NFIB: variants seen among roughly 807,000 people sequenced by gnomAD.
NFIB encodes the protein nuclear factor 1 B-type.
A neutral mutation model predicts 61.5 loss-of-function variants in NFIB; 11 were observed. The observed-to-expected ratio is 0.18, with a 90% CI of 0.11 to 0.30. The LOEUF (loss-of-function observed/expected upper bound fraction) is 0.30, where lower values mean the gene tolerates loss of function less well. Ranked by LOEUF, NFIB falls within the 10% of genes least tolerant of loss-of-function variation. The pLI is 1.00. For synonymous variants in NFIB, 260 were observed against 216.5 expected (o/e 1.20, Z -1.76); for missense variants, 471 against 608.9 (o/e 0.77, Z 2.38).
intron 2 of NFIB, among the ~76,000 whole-genome samples, chr9:14,255,293 G>C (rs2056112423): frequency 1.3e-5 from 2 of 152,114 alleles, no homozygotes; most frequent in South Asian, 4.1e-4. Flanking sequence ...GACATTTTTT[G>C]ATTCTGCAAC....
chr9:14,476,706 A>G, the NFIB span, among the ~76,000 whole-genome samples: 2 of 152,338 alleles, frequency 1.3e-5, no homozygotes, highest in East Asian at 3.9e-4. Context: ...AAATAAAAAA[A>G]CCAACAACCA....
At chr9:14,096,324 G>A (rs2034781309) in intron 10 of NFIB, 1 of 152,160 alleles carries the variant, frequency 6.6e-6, no homozygotes, top group Non-Finnish European at 1.5e-5. Flanking sequence ...ATCATCGACA[G>A]GAAACGTAAG....
At chr9:14,456,070 A>G in the NFIB span, among the ~76,000 whole-genome samples, 1 of 152,214 alleles carries the variant, frequency 6.6e-6, no homozygotes, top group African/African-American at 2.4e-5. Flanking sequence ...ATAAATTCCA[A>G]ATGGATCAAA....
intron 1 of NFIB, among the ~76,000 whole-genome samples, chr9:14,350,093 C>T (rs192732381): frequency 6.6e-6 from 1 of 152,282 alleles, no homozygotes; most frequent in African/African-American, 2.4e-5. Context: ...CCCGGGGACC[C>T]TCCTGGGCCT....
intron 6 of NFIB, among the ~76,000 whole-genome samples, chr9:14,141,943 T>A (rs1037195933): frequency 1.4e-4 from 21 of 147,620 alleles, no homozygotes; most frequent in African/African-American, 5.3e-4. Context: ...AATCCCCAGC[T>A]GCATACTGCA....
At chr9:14,378,504 G>A (rs890094052) in intron 1 of NFIB, among the ~76,000 whole-genome samples, 3 of 152,162 alleles carry the variant, frequency 2.0e-5, no homozygotes, top group East Asian at 1.9e-4. Flanking sequence ...CTATAGGCAC[G>A]CGCCACCACG....
At chr9:14,237,541 T>C (rs1760693145) in intron 2 of NFIB, among the ~76,000 whole-genome samples, 1 of 152,164 alleles carries the variant, frequency 6.6e-6, no homozygotes, top group African/African-American at 2.4e-5. Flanking sequence ...TCACTGCTCA[T>C]GATTACTACT....
chr9:14,227,032 T>G (rs936870342), intron 2 of NFIB, among the ~76,000 whole-genome samples: 1 of 151,058 alleles, frequency 6.6e-6, no homozygotes, highest in Non-Finnish European at 1.5e-5. Flanking sequence ...TCCGAGCTAC[T>G]TGGTAGGCTG....
intron 2 of NFIB, among the ~76,000 whole-genome samples, chr9:14,262,783 T>C (rs2056888224): frequency 6.8e-6 from 1 of 146,402 alleles, no homozygotes; most frequent in African/African-American, 2.8e-5. Context: ...TTTTTGTTTA[T>C]TTGTTTGTTT....
At position 14,267,392 on chromosome 9, in the gene NFIB, C is replaced by G. The variant is rs541106091; in HGVS notation, c.562+39597G>C. On this transcript the variant is annotated intron_variant, in intron 2 of 10. Coordinates refer to ENST00000380953, the MANE Select transcript of NFIB (RefSeq NM_001190737.2). ...ATAATTATGAAAGGTTAACCTGTCC[C>G]TGAGGTTATCTCAATAAATGCAAAT... is the stretch of plus-strand genomic sequence containing the variant. Among the ~76,000 whole-genome samples the G allele has an allele frequency of 3.3e-5, 5 of 152,290 alleles. No individual in the cohort carries two copies. In the South Asian group the frequency reaches 1.0e-3, roughly 32 times the overall value.
At chr9:14,211,454 T>C (rs748990176) in intron 2 of NFIB, among the ~76,000 whole-genome samples, 6 of 152,174 alleles carry the variant, frequency 3.9e-5, no homozygotes, top group Non-Finnish European at 8.8e-5. Flanking sequence ...AAAAAATAAT[T>C]CTACTCACTT....
chr9:14,408,631 C>G, the NFIB span, among the ~76,000 whole-genome samples: 1 of 152,092 alleles, frequency 6.6e-6, no homozygotes. Flanking sequence ...GAAATCTTAT[C>G]TTTATTTTGA....
chr9:14,157,379 G>A (rs1006668279), intron 3 of NFIB, among the ~76,000 whole-genome samples: 3 of 152,114 alleles, frequency 2.0e-5, no homozygotes, highest in Admixed American at 1.3e-4. Context: ...GTGAACTGAG[G>A]AGCCACTGAT....
intron 2 of NFIB, among the ~76,000 whole-genome samples, chr9:14,276,223 T>A (rs1282084112): frequency 6.6e-6 from 1 of 152,208 alleles, no homozygotes; most frequent in African/African-American, 2.4e-5. Context: ...GAAAAGATAC[T>A]GTTCTTAATC....
intron 1 of NFIB, among the ~76,000 whole-genome samples, chr9:14,336,589 T>C (rs1342455280): frequency 6.6e-6 from 1 of 152,216 alleles, no homozygotes; most frequent in Non-Finnish European, 1.5e-5. Flanking sequence ...AGATATGCTC[T>C]GAAGCTGCGG....
the NFIB span, among the ~76,000 whole-genome samples, chr9:14,434,340 G>A: frequency 6.6e-6 from 1 of 152,106 alleles, no homozygotes; most frequent in Non-Finnish European, 1.5e-5. Context: ...TAATGGATAT[G>A]GATTTCCCAC....
At chr9:14,237,644 A>G (rs759530435) in intron 2 of NFIB, among the ~76,000 whole-genome samples, 8 of 152,162 alleles carry the variant, frequency 5.3e-5, no homozygotes, top group Non-Finnish European at 7.3e-5. Context: ...CAAAAGTTAA[A>G]TAACTCCCAA....
chr9:14,187,503 A>G (rs2047509009), intron 2 of NFIB, among the ~76,000 whole-genome samples: 1 of 152,236 alleles, frequency 6.6e-6, no homozygotes, highest in Non-Finnish European at 1.5e-5. Flanking sequence ...ATGTTGCTAC[A>G]CTTAAGATCT....
chr9:14,491,042 AAAG>A, the NFIB span, among the ~76,000 whole-genome samples: 1 of 152,226 alleles, frequency 6.6e-6, no homozygotes. Flanking sequence ...GTAGAAATTA[AAAG>A]AAGCCCAAAT....
Sources: allele counts gnomAD v4.1 joint callset (sites outside exome capture counted in the v4.1 genomes callset), GRCh38; gene constraint gnomAD v4.1.1; transcripts MANE v1.5; gene names NCBI Gene and HGNC (gene_info 2026-07-23, HGNC 2026-07-21).